PDK1: variants seen among roughly 807,000 people sequenced by gnomAD.
The protein encoded by PDK1 is [Pyruvate dehydrogenase (acetyl-transferring)] kinase isozyme 1, mitochondrial.
Under a neutral mutation model 54.2 loss-of-function variants are expected in PDK1, and 39 were observed. That is an observed-to-expected ratio of 0.72 (90% CI 0.56 to 0.94). PDK1 has a LOEUF of 0.94. Ranked by LOEUF, PDK1 falls within the 40% of genes least tolerant of loss-of-function variation. The pLI is 0.00. For synonymous variants in PDK1, 221 were observed against 207.1 expected, an observed-to-expected ratio of 1.07 and a Z score of -0.58; for missense variants, 552 against 566.0, an observed-to-expected ratio of 0.98 and a Z score of 0.25.
chr2:172,674,789 GC>G, the PDK1 span: 35,654 of 152,214 alleles, frequency 0.23, 5,949 homozygotes, highest in African/African-American at 0.47. Flanking sequence ...TTCGGGAGGG[GC>G]GAAGCCCTCG....
chr2:172,707,212 T>C, the PDK1 span, among the ~76,000 whole-genome samples: 4 of 152,142 alleles, frequency 2.6e-5, no homozygotes, highest in Non-Finnish European at 5.9e-5. Context: ...GGGGACTTCC[T>C]TATCACCTGT....
the PDK1 span, among the ~76,000 whole-genome samples, chr2:172,625,078 T>C: frequency 4.0e-5 from 6 of 151,866 alleles, no homozygotes; most frequent in African/African-American, 1.5e-4. Flanking sequence ...CATGGAGATA[T>C]GAATGACTGT....
chr2:172,574,661 GTATTT>G (rs960422521), intron 8 of PDK1, among the ~76,000 whole-genome samples: 7 of 152,104 alleles, frequency 4.6e-5, no homozygotes, highest in African/African-American at 1.7e-4. Flanking sequence ...TTATTCCTAA[GTATTT>G]TATTATTTTT....
chr2:172,634,816 AATAC>A, the PDK1 span, among the ~76,000 whole-genome samples: 11 of 152,050 alleles, frequency 7.2e-5, no homozygotes, highest in African/African-American at 2.2e-4. Context: ...TCAAAAAGAA[AATAC>A]ATAATTTATA....
the PDK1 span, among the ~76,000 whole-genome samples, chr2:172,679,944 T>G: frequency 6.6e-6 from 1 of 152,208 alleles, no homozygotes; most frequent in Non-Finnish European, 1.5e-5. Flanking sequence ...AGTAGAATTA[T>G]CTGTCAAAAC....
intron 8 of PDK1, among the ~76,000 whole-genome samples, chr2:172,580,834 G>C (rs1200904566): frequency 6.6e-6 from 1 of 151,730 alleles, no homozygotes; most frequent in African/African-American, 2.4e-5. Context: ...AAGACATTAT[G>C]CTAAGTGAAA....
the PDK1 span, among the ~76,000 whole-genome samples, chr2:172,643,208 A>G: frequency 6.6e-6 from 1 of 152,196 alleles, no homozygotes; most frequent in Non-Finnish European, 1.5e-5. Context: ...GGTGTTATGG[A>G]CATTGGGGCT....
At chr2:172,649,519 C>G in the PDK1 span, among the ~76,000 whole-genome samples, 2 of 152,028 alleles carry the variant, frequency 1.3e-5, no homozygotes, top group African/African-American at 4.8e-5. Context: ...TTCAGATGAT[C>G]GGTAATAACA....
At chr2:172,709,998 GA>G in the PDK1 span, among the ~76,000 whole-genome samples, 2 of 152,160 alleles carry the variant, frequency 1.3e-5, no homozygotes, top group African/African-American at 4.8e-5. Context: ...AATTTGAAGT[GA>G]ACATAATGAA....
chr2:172,693,131 C>T, the PDK1 span, among the ~76,000 whole-genome samples: 1 of 152,236 alleles, frequency 6.6e-6, no homozygotes, highest in Non-Finnish European at 1.5e-5. Flanking sequence ...CCAAGTTCTG[C>T]TCTCACCTCC....
chr2:172,686,735 A>G, the PDK1 span, among the ~76,000 whole-genome samples: 1 of 152,220 alleles, frequency 6.6e-6, no homozygotes, highest in Admixed American at 6.5e-5. Context: ...CATTCACTGC[A>G]AAGGTCTGCA....
the PDK1 span, among the ~76,000 whole-genome samples, chr2:172,629,648 C>T: frequency 4.6e-5 from 7 of 152,192 alleles, no homozygotes; most frequent in Non-Finnish European, 1.0e-4. Flanking sequence ...CAAACAAGAG[C>T]TTGGGATATA....
the PDK1 span, among the ~76,000 whole-genome samples, chr2:172,660,186 G>A: frequency 7.0e-6 from 1 of 141,920 alleles, no homozygotes; most frequent in African/African-American, 2.6e-5. Context: ...TAAAGGGGAT[G>A]GTTTGTAATT....
chr2:172,578,315 T>A (rs886726419), intron 8 of PDK1, among the ~76,000 whole-genome samples: 7 of 152,238 alleles, frequency 4.6e-5, no homozygotes, highest in Non-Finnish European at 7.3e-5. Flanking sequence ...AAATATGCTG[T>A]TGAACCCCTC....
chr2:172,618,289 AAAG>A, the PDK1 span, among the ~76,000 whole-genome samples: 1 of 152,254 alleles, frequency 6.6e-6, no homozygotes, highest in Admixed American at 6.5e-5. Context: ...TAAGATTGAA[AAAG>A]AAAAGTTAAA....
chr2:172,695,095 G>A, the PDK1 span, among the ~76,000 whole-genome samples: 1 of 152,180 alleles, frequency 6.6e-6, no homozygotes, highest in Non-Finnish European at 1.5e-5. Context: ...TCCAGTCTGG[G>A]TGACAGAGTG....
chr2:172,669,917 G>A, the PDK1 span, among the ~76,000 whole-genome samples: 4 of 152,016 alleles, frequency 2.6e-5, no homozygotes, highest in Non-Finnish European at 5.9e-5. Flanking sequence ...CTTATCTGAT[G>A]TATCATTTGC....
chr2:172,568,534 C>T (rs1159800794), intron 6 of PDK1, among the ~76,000 whole-genome samples: 1 of 152,064 alleles, frequency 6.6e-6, no homozygotes, highest in Admixed American at 6.6e-5. Context: ...TGAGAAGTGA[C>T]CACAGGACTC....
At chr2:172,701,808 A>G in the PDK1 span, among the ~76,000 whole-genome samples, 1 of 150,508 alleles carries the variant, frequency 6.6e-6, no homozygotes, top group East Asian at 1.9e-4. Context: ...GTTCCTTTTT[A>G]CCTCTAGAAA....
Sources: gnomAD v4.1 joint callset for allele counts (sites outside exome capture counted in the v4.1 genomes callset) on GRCh38, gnomAD v4.1.1 for gene constraint, MANE v1.5 for transcripts, NCBI Gene and HGNC (gene_info 2026-07-23, HGNC 2026-07-21) for gene names.